The following NRG3 variants were observed in gnomAD, a reference collection of about 807,000 sequenced individuals.
NRG3 encodes the protein neuregulin 3.
NRG3 carries 31 observed loss-of-function variants against 66.9 expected under a neutral mutation model. That is an observed-to-expected ratio of 0.46 (90% CI 0.35 to 0.63). The LOEUF (loss-of-function observed/expected upper bound fraction) is 0.63, where lower values mean the gene tolerates loss of function less well. NRG3 is among the 20% of genes least tolerant of loss of function. The pLI is 0.00. For missense variants in NRG3, 910 were observed against 878.9 expected, an observed-to-expected ratio of 1.04 and a Z score of -0.45; for synonymous variants, 393 against 359.4, an observed-to-expected ratio of 1.09 and a Z score of -1.06.
intron 2 of NRG3, among the ~76,000 whole-genome samples, chr10:82,410,011 G>A (rs889251040): frequency 1.3e-5 from 2 of 152,112 alleles, no homozygotes. Context: ...AGCCTGCATG[G>A]TCTTCTGTGA....
intron 3 of NRG3, among the ~76,000 whole-genome samples, chr10:82,752,794 T>C (rs1483084069): frequency 6.6e-6 from 1 of 152,190 alleles, no homozygotes; most frequent in African/African-American, 2.4e-5. Flanking sequence ...GAAGACGCAG[T>C]ATAAGTACAA....
intron 1 of NRG3, among the ~76,000 whole-genome samples, chr10:82,246,291 T>C (rs1394855364): frequency 6.6e-6 from 1 of 152,216 alleles, no homozygotes; most frequent in Non-Finnish European, 1.5e-5. Context: ...CTATTTTGCT[T>C]TCACATACTG....
intron 1 of NRG3, among the ~76,000 whole-genome samples, chr10:82,260,102 G>T (rs567045966): frequency 6.2e-4 from 94 of 152,304 alleles, no homozygotes; most frequent in Non-Finnish European, 1.2e-3. Context: ...CCTAGACAGG[G>T]TTGGTTCATA....
At chr10:82,887,385 TGAAA>T (rs1242777468) in intron 4 of NRG3, among the ~76,000 whole-genome samples, 1 of 152,204 alleles carries the variant, frequency 6.6e-6, no homozygotes, top group African/African-American at 2.4e-5. Flanking sequence ...AAAATATGGT[TGAAA>T]GAGTTTATGG....
rs1853483332 is a variant in NRG3 at position 82,987,124 on chromosome 10, G to T, written c.*1519G>T. 1 of 152,148 alleles carries T rather than the reference G, an allele frequency of 6.6e-6. No homozygotes were observed. Among genetic ancestry groups the T allele is most frequent in the Non-Finnish European group, 1.5e-5 (1 of 68,016 alleles). 9.4% of individuals were successfully genotyped at this position (152,148 alleles called of 1,614,324 possible). On this transcript the variant is annotated 3_prime_UTR_variant, in exon 9 of 9. Coordinates refer to ENST00000372141, the MANE Select transcript of NRG3 (RefSeq NM_001010848.4). ...CAGTCTTTTTCCAATTATTGGTGGT[G>T]TTGAGTTGTTATGTTTACACTGTTT... is the stretch of plus-strand genomic sequence containing the variant.
At chr10:82,519,968 T>A (rs762926999) in intron 2 of NRG3, among the ~76,000 whole-genome samples, 35 of 152,048 alleles carry the variant, frequency 2.3e-4, no homozygotes, top group Non-Finnish European at 4.4e-4. Context: ...GCAACAGAAA[T>A]TTTGGAAGAA....
intron 2 of NRG3, among the ~76,000 whole-genome samples, chr10:82,616,623 C>T (rs115753397): frequency 2.0e-5 from 3 of 152,132 alleles, no homozygotes; most frequent in African/African-American, 7.2e-5. Flanking sequence ...TAAATCATAG[C>T]GTTCTACAGT....
intron 2 of NRG3, among the ~76,000 whole-genome samples, chr10:82,570,220 C>A (rs1322271953): frequency 6.6e-6 from 1 of 151,566 alleles, no homozygotes; most frequent in Non-Finnish European, 1.5e-5. Flanking sequence ...AAAATAGTTA[C>A]CACTGTTTGG....
chr10:82,052,702 G>A (rs1412412147), intron 1 of NRG3, among the ~76,000 whole-genome samples: 1 of 152,128 alleles, frequency 6.6e-6, no homozygotes, highest in Non-Finnish European at 1.5e-5. Context: ...TTCAACAGTG[G>A]TAAGTGGAGC....
At chr10:81,954,394 A>T (rs1849633826) in intron 1 of NRG3, among the ~76,000 whole-genome samples, 1 of 152,162 alleles carries the variant, frequency 6.6e-6, no homozygotes, top group South Asian at 2.1e-4. Context: ...TCTTTCTTTG[A>T]TTGCATGCAA....
chr10:82,935,454 A>G lies in NRG3; in HGVS notation c.1055-16015A>G, dbSNP rs111476184. Among the ~76,000 whole-genome samples the G allele has an allele frequency of 8.3e-3, 1,269 of 152,338 alleles. 21 individuals are homozygous for G. The highest frequency in any genetic ancestry group is 0.029 in the African/African-American group (1,225 of 41,574). On this transcript the variant is annotated intron_variant, in intron 4 of 8. Transcript: ENST00000372141. ...AATAGTAGAAATAAAATAAATGTCC[A>G]TATGACTTTACCATATGACAGAATA...
intron 2 of NRG3, among the ~76,000 whole-genome samples, chr10:82,470,460 T>C (rs1841144429): frequency 1.3e-5 from 2 of 152,200 alleles, no homozygotes; most frequent in South Asian, 4.1e-4. Context: ...AAGAGAACGA[T>C]AATTATTTAA....
At chr10:82,588,338 G>A (rs1410821728) in intron 2 of NRG3, among the ~76,000 whole-genome samples, 2 of 151,956 alleles carry the variant, frequency 1.3e-5, no homozygotes, top group Non-Finnish European at 1.5e-5. Flanking sequence ...AAATGAGGGT[G>A]GCACCTTACG....
chr10:82,052,120 G>A (rs1268512676), intron 1 of NRG3, among the ~76,000 whole-genome samples: 3 of 150,282 alleles, frequency 2.0e-5, no homozygotes, highest in Admixed American at 1.3e-4. Context: ...CATAAGCAAT[G>A]TGCAAGTTAG....
chr10:82,627,735 C>T (rs1222736105), intron 2 of NRG3, among the ~76,000 whole-genome samples: 3 of 152,144 alleles, frequency 2.0e-5, no homozygotes, highest in Non-Finnish European at 4.4e-5. Flanking sequence ...TCCCCCTCCA[C>T]TGTTAAATAT....
At chr10:82,414,949 A>T (rs2136188264) in intron 2 of NRG3, among the ~76,000 whole-genome samples, 1 of 152,316 alleles carries the variant, frequency 6.6e-6, no homozygotes, top group South Asian at 2.1e-4. Context: ...AGGCTCACTC[A>T]TCACCCATTA....
At chr10:82,632,066 C>A (rs933436959) in intron 2 of NRG3, among the ~76,000 whole-genome samples, 19 of 152,126 alleles carry the variant, frequency 1.2e-4, no homozygotes, top group African/African-American at 4.6e-4. Context: ...CACGCCATTG[C>A]ACCTCCAACC....
chr10:81,939,433 T>G (rs2133079770), intron 1 of NRG3, among the ~76,000 whole-genome samples: 1 of 152,182 alleles, frequency 6.6e-6, no homozygotes, highest in East Asian at 1.9e-4. Flanking sequence ...TTTTTATTAC[T>G]CATTCAATAA....
chr10:82,325,966 T>G (rs1280184866), intron 1 of NRG3, among the ~76,000 whole-genome samples: 2 of 152,204 alleles, frequency 1.3e-5, no homozygotes, highest in Non-Finnish European at 2.9e-5. Flanking sequence ...TTTACTCACA[T>G]AATTGCCATT....
Sources: allele counts gnomAD v4.1 joint callset (sites outside exome capture counted in the v4.1 genomes callset), GRCh38; gene constraint gnomAD v4.1.1; transcripts MANE v1.5; gene names NCBI Gene and HGNC (gene_info 2026-07-23, HGNC 2026-07-21).